CNOT2: variants seen among roughly 807,000 people sequenced by gnomAD.
CNOT2 encodes the protein CC chemokine receptor 4-negative regulator of transcription 2.
Under a neutral mutation model 72.1 loss-of-function variants are expected in CNOT2, and 7 were observed. That is an observed-to-expected ratio of 0.10 (90% CI 0.06 to 0.18). The LOEUF (loss-of-function observed/expected upper bound fraction) is 0.18, where lower values mean the gene tolerates loss of function less well. Ranked by LOEUF, CNOT2 falls within the 10% of genes least tolerant of loss-of-function variation. CNOT2 has a pLI of 1.00. For synonymous variants in CNOT2, 196 were observed against 225.6 expected (o/e 0.87, Z 1.17); for missense variants, 345 against 660.3 (o/e 0.52, Z 5.23).
chr12:70,284,575 C>CTTTTTTTTT (rs1870531525), intron 2 of CNOT2, among the ~76,000 whole-genome samples: 1 of 140,548 alleles, frequency 7.1e-6, no homozygotes. Context: ...TAAAATTTGA[C>CTTTTTTTTT]CTTTTTTTTT....
At chr12:70,264,310 C>G (rs546991249) in intron 1 of CNOT2, among the ~76,000 whole-genome samples, 1 of 152,322 alleles carries the variant, frequency 6.6e-6, no homozygotes, top group South Asian at 2.1e-4. Flanking sequence ...TAGTTGCTTA[C>G]TGCCCAAATC....
At chr12:70,296,526 A>G (rs1593155927) in intron 2 of CNOT2, among the ~76,000 whole-genome samples, 1 of 152,138 alleles carries the variant, frequency 6.6e-6, no homozygotes, top group African/African-American at 2.4e-5. Flanking sequence ...ATTTATCTAT[A>G]TCTTCACTTT....
At chr12:70,249,056 A>T (rs1186994257) in intron 1 of CNOT2, among the ~76,000 whole-genome samples, 1 of 152,096 alleles carries the variant, frequency 6.6e-6, no homozygotes, top group African/African-American at 2.4e-5. Context: ...TCAGATGTTG[A>T]AACAGCTCCA....
intron 1 of CNOT2, among the ~76,000 whole-genome samples, chr12:70,273,282 TCC>T (rs1868313245): frequency 6.6e-6 from 1 of 152,150 alleles, no homozygotes; most frequent in Non-Finnish European, 1.5e-5. Context: ...GTAGGTGATC[TCC>T]ATGCTGCAAT....
At chr12:70,250,762 A>G (rs1958106086) in intron 1 of CNOT2, among the ~76,000 whole-genome samples, 2 of 152,094 alleles carry the variant, frequency 1.3e-5, no homozygotes, top group Non-Finnish European at 2.9e-5. Flanking sequence ...GATAGGGTCA[A>G]GTTTTGTATG....
intron 1 of CNOT2, among the ~76,000 whole-genome samples, chr12:70,273,024 T>C (rs1162252135): frequency 6.6e-6 from 1 of 152,144 alleles, no homozygotes; most frequent in Non-Finnish European, 1.5e-5. Flanking sequence ...GAGTCATTAC[T>C]CCAGTAATTT....
At position 70,353,881 on chromosome 12, in the gene CNOT2, C is replaced by T. The variant is rs1319115416; in HGVS notation, c.1589C>T (p.Thr530Ile). ...KLEERPHLPS[T>I]FNYNPAQQAF ...GAAGAACGGCCTCACCTGCCATCCA[C>T]CTTCAACTACAACCCTGCTCAGCAA... is the stretch of plus-strand genomic sequence containing the variant. The change falls in exon 16 of 16, where the codon ACC (threonine) becomes ATC (isoleucine). Residue 530 changes from threonine (T) to isoleucine (I), a missense_variant. By Grantham distance (89) the Thr-to-Ile change is moderately conservative. This residue lies in a region of CNOT2 where 53 missense variants were observed against 153.4 expected (regional missense o/e 0.35). Coordinates refer to ENST00000229195, the MANE Select transcript of CNOT2 (RefSeq NM_014515.7). 2 of 1,604,226 alleles carry T rather than the reference C, an allele frequency of 1.2e-6. No homozygotes were observed. The highest frequency in any genetic ancestry group is 1.4e-5 in the African/African-American group (1 of 73,062).
At chr12:70,278,058 A>T in intron 1 of CNOT2, 74 bp from the exon 2 acceptor site, 1 of 519,516 alleles carries the variant, frequency 1.9e-6, no homozygotes, top group Non-Finnish European at 3.5e-6. Context: ...TGTGTATCAT[A>T]TTGAATATTT....
At chr12:70,297,591 A>G (rs895274140) in intron 2 of CNOT2, among the ~76,000 whole-genome samples, 3 of 152,234 alleles carry the variant, frequency 2.0e-5, no homozygotes, top group Non-Finnish European at 2.9e-5. Flanking sequence ...GTTTGGTTAT[A>G]ATTATCCTAA....
chr12:70,325,032 A>G (rs558960744), intron 4 of CNOT2, among the ~76,000 whole-genome samples: 15 of 151,976 alleles, frequency 9.9e-5, no homozygotes, highest in Non-Finnish European at 1.6e-4. Flanking sequence ...CAAGCACGCT[A>G]TGTCTACTGC....
chr12:70,338,421 C>T (rs1880995416), intron 9 of CNOT2, 22 bp from the exon 10 acceptor site: 2 of 1,584,820 alleles, frequency 1.3e-6, no homozygotes, highest in Non-Finnish European at 8.6e-7. Flanking sequence ...TTTAATGTCA[C>T]ATTTAATTTT....
At position 70,248,790 on chromosome 12, in the gene CNOT2, G is replaced by C. The variant is rs146583266; in HGVS notation, c.-96+5310G>C. Among the ~76,000 whole-genome samples, 306 of 152,216 alleles carry C rather than the reference G, an allele frequency of 2.0e-3. 5 individuals are homozygous for C. The highest frequency in any genetic ancestry group is 0.019 in the Admixed American group (291 of 15,296). On this transcript the variant is annotated intron_variant, in intron 1 of 15. Coordinates refer to ENST00000229195, the MANE Select transcript of CNOT2 (RefSeq NM_014515.7). ...GTGACTAAGAGCTGCCAAAGATACA[G>C]AGTGTATATTTTTAAAAAGGGAGTA...
At chr12:70,267,582 A>G (rs1028674803) in intron 1 of CNOT2, among the ~76,000 whole-genome samples, 5 of 152,118 alleles carry the variant, frequency 3.3e-5, no homozygotes, top group South Asian at 2.1e-4. Context: ...TGAGTACACA[A>G]CTCACTGCAC....
intron 9 of CNOT2, chr12:70,337,987 A>T (rs1880927075): frequency 4.1e-6 from 1 of 242,648 alleles, no homozygotes; most frequent in African/African-American, 2.4e-5. Context: ...AAAATAATTG[A>T]TAAAGAAGAT....
At chr12:70,283,365 C>T (rs1870208065) in intron 2 of CNOT2, among the ~76,000 whole-genome samples, 2 of 152,064 alleles carry the variant, frequency 1.3e-5, no homozygotes, top group Admixed American at 1.3e-4. Context: ...GAGGCTGAGG[C>T]GGGAGATTAG....
intron 1 of CNOT2, among the ~76,000 whole-genome samples, chr12:70,247,843 C>T (rs1393842734): frequency 6.6e-6 from 1 of 152,144 alleles, no homozygotes; most frequent in Non-Finnish European, 1.5e-5. Flanking sequence ...TTTCACAATC[C>T]ACAGATCTGA....
intron 1 of CNOT2, among the ~76,000 whole-genome samples, chr12:70,270,551 T>C (rs1406984777): frequency 6.6e-6 from 1 of 152,154 alleles, no homozygotes; most frequent in African/African-American, 2.4e-5. Flanking sequence ...TTATAGGGCT[T>C]TTTAGTTGCC....
At chr12:70,284,873 A>G (rs984884227) in intron 2 of CNOT2, among the ~76,000 whole-genome samples, 2 of 152,248 alleles carry the variant, frequency 1.3e-5, no homozygotes, top group Middle Eastern at 3.2e-3. Flanking sequence ...CCCTTGGGCC[A>G]AAAGAAACTC....
At chr12:70,260,994 T>C (rs1222575961) in intron 1 of CNOT2, among the ~76,000 whole-genome samples, 1 of 152,042 alleles carries the variant, frequency 6.6e-6, no homozygotes, top group East Asian at 1.9e-4. Context: ...TTTGAGTATA[T>C]ACCTGTGTTT....
Sources: gnomAD v4.1 joint callset for allele counts (sites outside exome capture counted in the v4.1 genomes callset) on GRCh38, gnomAD v4.1.1 for gene constraint, gnomAD v4.1.1 regional missense constraint, MANE v1.5 for transcripts, NCBI Gene and HGNC (gene_info 2026-07-23, HGNC 2026-07-21) for gene names.